The following NREP variants were observed in gnomAD, a reference collection of about 807,000 sequenced individuals.
NREP encodes the protein neuronal regeneration related protein.
NREP carries 5 observed loss-of-function variants against 8.6 expected under a neutral mutation model. The ratio of observed to expected loss-of-function variants is 0.58; its 90% confidence interval spans 0.30 to 1.22. The LOEUF (loss-of-function observed/expected upper bound fraction) is 1.22. Ranked by LOEUF, NREP falls within the 50% of genes most tolerant of loss-of-function variation. The pLI is 0.07. For synonymous variants in NREP, 27 were observed against 28.0 expected (o/e 0.96, Z 0.11); for missense variants, 86 against 82.5 (o/e 1.04, Z -0.17).
At chr5:111,790,440 A>G (rs1581119951) in intron 2 of NREP, among the ~76,000 whole-genome samples, 1 of 140,558 alleles carries the variant, frequency 7.1e-6, no homozygotes, top group South Asian at 2.4e-4. Flanking sequence ...AAATAATCAG[A>G]AAAAGTATAC....
intron 2 of NREP, among the ~76,000 whole-genome samples, chr5:111,926,604 G>T (rs1461546088): frequency 5.9e-5 from 9 of 152,030 alleles, no homozygotes; most frequent in Non-Finnish European, 1.0e-4. Context: ...GCAAAATAAT[G>T]TAAGCCACTT....
chr5:111,910,346 T>C (rs906222837), intron 2 of NREP, among the ~76,000 whole-genome samples: 14 of 151,998 alleles, frequency 9.2e-5, no homozygotes, highest in African/African-American at 3.1e-4. Context: ...AGTTAAATCA[T>C]CTTTTTTTTC....
intron 2 of NREP, among the ~76,000 whole-genome samples, chr5:111,768,433 T>C (rs1751136732): frequency 6.6e-6 from 1 of 152,266 alleles, no homozygotes; most frequent in East Asian, 1.9e-4. Flanking sequence ...TTGTGTGGTA[T>C]TGAGGTTTGA....
intron 2 of NREP, among the ~76,000 whole-genome samples, chr5:111,972,448 G>A (rs1756848192): frequency 6.6e-6 from 1 of 152,176 alleles, no homozygotes; most frequent in Non-Finnish European, 1.5e-5. Context: ...ACTCTTTGAA[G>A]AATCATAATG....
At chr5:111,874,586 G>A (rs185511733) in intron 2 of NREP, among the ~76,000 whole-genome samples, 91 of 152,232 alleles carry the variant, frequency 6.0e-4, no homozygotes, top group African/African-American at 2.1e-3. Context: ...AGGCTAAGGT[G>A]ACTAAATCTT....
At chr5:111,793,400 G>A (rs1259687230) in intron 2 of NREP, among the ~76,000 whole-genome samples, 2 of 152,096 alleles carry the variant, frequency 1.3e-5, no homozygotes, top group Non-Finnish European at 2.9e-5. Flanking sequence ...GGAGTCCAAA[G>A]GCCTGGGATC....
At chr5:111,866,888 C>T (rs573502640) in intron 2 of NREP, among the ~76,000 whole-genome samples, 5 of 151,540 alleles carry the variant, frequency 3.3e-5, no homozygotes, top group Admixed American at 1.3e-4. Context: ...AGCAAACGAT[C>T]GCAAGGACAA....
chr5:111,962,046 G>A (rs978855253), intron 2 of NREP, among the ~76,000 whole-genome samples: 1 of 152,142 alleles, frequency 6.6e-6, no homozygotes, highest in African/African-American at 2.4e-5. Flanking sequence ...AAATCCCAGA[G>A]GAGGAGGCAG....
chr5:111,968,308 T>C (rs1756703332), intron 2 of NREP, among the ~76,000 whole-genome samples: 1 of 152,208 alleles, frequency 6.6e-6, no homozygotes, highest in Non-Finnish European at 1.5e-5. Context: ...AAATTGGATT[T>C]ACATTTTCCA....
chr5:111,764,354 C>A (rs1751032551), intron 2 of NREP, among the ~76,000 whole-genome samples: 1 of 152,108 alleles, frequency 6.6e-6, no homozygotes, highest in Non-Finnish European at 1.5e-5. Context: ...TGAGACTGGG[C>A]AATTTACAAA....
intron 2 of NREP, among the ~76,000 whole-genome samples, chr5:111,747,878 A>C (rs1253876271): frequency 6.6e-6 from 1 of 152,182 alleles, no homozygotes; most frequent in African/African-American, 2.4e-5. Flanking sequence ...TCAAGGCAAA[A>C]AGCTTAGATT....
intron 2 of NREP, among the ~76,000 whole-genome samples, chr5:111,787,921 G>A (rs1751648993): frequency 6.6e-6 from 1 of 152,046 alleles, no homozygotes; most frequent in South Asian, 2.1e-4. Context: ...AACATTGTGA[G>A]ACCATGTCTC....
chr5:111,746,320 C>T (rs1749999765), intron 2 of NREP, among the ~76,000 whole-genome samples: 1 of 151,698 alleles, frequency 6.6e-6, no homozygotes, highest in Admixed American at 6.6e-5. Context: ...ACCTTGATAA[C>T]AAGATCAAAA....
intron 2 of NREP, among the ~76,000 whole-genome samples, chr5:111,948,607 G>C (rs1255841837): frequency 6.6e-6 from 1 of 152,088 alleles, no homozygotes; most frequent in Non-Finnish European, 1.5e-5. Context: ...CCATGCAAAA[G>C]TGAGTTGGTT....
chr5:111,735,540 TA>T (rs760401527), intron 2 of NREP, 33 bp from the exon 3 acceptor site: 1 of 1,496,226 alleles, frequency 6.7e-7, no homozygotes, highest in Non-Finnish European at 9.3e-7. Flanking sequence ...ACATTCAGAT[TA>T]AAAACAGGAT....
Position 111,890,730 on chromosome 5 carries a change from C to A in NREP, c.135+84544G>T, listed in dbSNP as rs558513912. Among the ~76,000 whole-genome samples the A allele has an allele frequency of 8.5e-5, 13 of 152,280 alleles. No homozygotes were observed. The South Asian group carries it at 2.7e-3, about 32-fold the overall frequency. On this transcript the variant is annotated intron_variant, in intron 2 of 3. Coordinates refer to the NREP transcript ENST00000395634. The stretch of plus-strand genomic sequence containing the variant: ...TAAGCTGTACCTAAGTCCCTTTGAG[C>A]CAAGGCTGGAGACGGACTGGCTGGG...
intron 2 of NREP, among the ~76,000 whole-genome samples, chr5:111,748,046 AC>A (rs1168097553): frequency 1.3e-5 from 2 of 152,172 alleles, no homozygotes; most frequent in African/African-American, 4.8e-5. Flanking sequence ...TAATACCCTC[AC>A]GCATAGTGGC....
chr5:111,745,336 TAGAG>T (rs1749933492), intron 2 of NREP, among the ~76,000 whole-genome samples: 1 of 152,208 alleles, frequency 6.6e-6, no homozygotes, highest in Non-Finnish European at 1.5e-5. Context: ...AGACCAGTCT[TAGAG>T]TAACAACTTT....
intron 1 of NREP, chr5:111,756,191 T>C (rs1750691022): frequency 2.0e-6 from 2 of 1,023,724 alleles, no homozygotes; most frequent in African/African-American, 1.7e-5. Context: ...GGCAGTATAT[T>C]TGCAATCAAG....
Sources: allele counts gnomAD v4.1 joint callset (sites outside exome capture counted in the v4.1 genomes callset), GRCh38; gene constraint gnomAD v4.1.1; transcripts MANE v1.5; gene names NCBI Gene and HGNC (gene_info 2026-07-23, HGNC 2026-07-21).